PLXDC2: variants seen among roughly 807,000 people sequenced by gnomAD.
PLXDC2 encodes the protein plexin domain containing 2.
A neutral mutation model predicts 68.9 loss-of-function variants in PLXDC2; 40 were observed. That is an observed-to-expected ratio of 0.58 (90% confidence interval 0.45 to 0.76). The LOEUF is 0.76. PLXDC2 is among the 30% of genes least tolerant of loss of function. PLXDC2 has a pLI of 0.00. For missense variants in PLXDC2, 644 were observed against 661.9 expected (o/e 0.97, Z 0.30); for synonymous variants, 243 against 234.2 (o/e 1.04, Z -0.34).
chr10:20,149,210 CTTTCTTTTTTTTTCT>C (rs1342389040), intron 6 of PLXDC2, among the ~76,000 whole-genome samples: 32 of 21,404 alleles, frequency 1.5e-3, no homozygotes, highest in African/African-American at 2.2e-3. Flanking sequence ...AGTTATTTTT[CTTTCTTTTTTTTTCT>C]TTTCTTTTTT....
rs117587274 is a variant in PLXDC2, at chr10:19,873,032, G to A, written c.112+55841G>A. Among the ~76,000 whole-genome samples the A allele has an allele frequency of 2.6e-3, 393 of 152,224 alleles. 4 individuals carry two copies. The highest frequency in any genetic ancestry group is 2.4e-3 in the Non-Finnish European group (164 of 68,018). The stretch of plus-strand genomic sequence containing the variant: ...TGGCACCAAAGAATTGTTTTGACAG[G>A]AAATCTCCTAATACAGCAAAACGGT... On this transcript the variant is annotated intron_variant, in intron 1 of 13. Transcript: ENST00000377252.
At chr10:19,986,779 T>G (rs892930427) in intron 1 of PLXDC2, among the ~76,000 whole-genome samples, 2 of 152,216 alleles carry the variant, frequency 1.3e-5, no homozygotes, top group Non-Finnish European at 2.9e-5. Context: ...TCTCAGAGCA[T>G]TTTGCTTTTC....
At chr10:20,234,123 G>A (rs573606372) in intron 12 of PLXDC2, among the ~76,000 whole-genome samples, 5 of 152,052 alleles carry the variant, frequency 3.3e-5, no homozygotes, top group African/African-American at 7.2e-5. Flanking sequence ...CACCGTGCCC[G>A]GCCAGCAAAT....
intron 4 of PLXDC2, among the ~76,000 whole-genome samples, chr10:20,092,583 A>G (rs963562233): frequency 1.8e-4 from 27 of 152,154 alleles, no homozygotes; most frequent in Non-Finnish European, 3.2e-4. Context: ...GAAGTTGGGA[A>G]GTGAATTAAA....
chr10:20,279,713 GC>G lies in PLXDC2; in HGVS notation c.1485del (p.Ser495ArgfsTer6). 1 of 1,613,772 alleles carries G rather than the reference GC, an allele frequency of 6.2e-7. No homozygotes were observed. The highest frequency in any genetic ancestry group is 8.5e-7 in the Non-Finnish European group (1 of 1,179,828). ...ASIFFIERRP[S>X]RWPAMKFRRG... ...TGTTTTCTGTTTCAGAGACGCCCAAGCAGATGGCCTGCGATGAAGTTTAGAA... is the reference window on the plus strand; with the variant it reads ...TGTTTTCTGTTTCAGAGACGCCCAAGAGATGGCCTGCGATGAAGTTTAGAA... On this transcript the variant is annotated frameshift_variant, in exon 14 of 14. Coordinates refer to ENST00000377252, the MANE Select transcript of PLXDC2 (RefSeq NM_032812.9). LOFTEE classifies it high-confidence loss of function.
intron 11 of PLXDC2, 24 bp downstream of exon 11, chr10:20,217,600 T>C (rs1286098609): frequency 2.0e-5 from 15 of 731,800 alleles, no homozygotes; most frequent in African/African-American, 1.1e-4. Flanking sequence ...AGTTTGCTTT[T>C]TTTTTTTTTT....
chr10:19,872,592 C>T (rs1837558609), intron 1 of PLXDC2, among the ~76,000 whole-genome samples: 1 of 152,190 alleles, frequency 6.6e-6, no homozygotes, highest in Non-Finnish European at 1.5e-5. Context: ...AAAAGCATTT[C>T]AGCCACACCT....
chr10:19,997,717 C>A lies in PLXDC2; in HGVS notation c.113-4058C>A, dbSNP rs1356072406. On this transcript the variant is annotated intron_variant, in intron 1 of 13. Transcript: ENST00000377252. ...TATGTGATGACAAAAAAGAGACCTG[C>A]AAGATTTGCAAAGAATAATATGAGA... Among the ~76,000 whole-genome samples the A allele has an allele frequency of 2.0e-5, 3 of 152,084 alleles. No individual in the cohort carries two copies. In the South Asian group the frequency reaches 6.2e-4, roughly 31 times the overall value.
intron 4 of PLXDC2, among the ~76,000 whole-genome samples, chr10:20,142,289 C>A (rs1166996552): frequency 6.6e-6 from 1 of 151,888 alleles, no homozygotes; most frequent in African/African-American, 2.4e-5. Context: ...TGATGACTGC[C>A]CAAACATTAC....
At chr10:20,217,072 T>A (rs1835147517) in intron 10 of PLXDC2, among the ~76,000 whole-genome samples, 2 of 152,348 alleles carry the variant, frequency 1.3e-5, no homozygotes, top group Admixed American at 6.5e-5. Flanking sequence ...CTTATCTTTA[T>A]GCACCTGTTT....
intron 13 of PLXDC2, among the ~76,000 whole-genome samples, chr10:20,266,007 C>T (rs962889801): frequency 1.3e-5 from 2 of 152,174 alleles, no homozygotes; most frequent in African/African-American, 2.4e-5. Context: ...GTAAGGAATA[C>T]TGGTCTTGGA....
intron 7 of PLXDC2, among the ~76,000 whole-genome samples, chr10:20,166,931 A>AG (rs1317797009): frequency 1.3e-5 from 2 of 152,124 alleles, no homozygotes; most frequent in African/African-American, 4.8e-5. Context: ...ATTTATATGA[A>AG]TTTTCAGACC....
intron 1 of PLXDC2, among the ~76,000 whole-genome samples, chr10:19,886,581 A>C (rs1321864334): frequency 6.6e-6 from 1 of 152,248 alleles, no homozygotes; most frequent in East Asian, 1.9e-4. Flanking sequence ...AACAACCTTC[A>C]TGCTAAAAAC....
chr10:20,219,176 G>T, intron 12 of PLXDC2, 74 bp downstream of exon 12: 1 of 1,433,230 alleles, frequency 7.0e-7, no homozygotes, highest in Non-Finnish European at 9.5e-7. Context: ...CTATGAGAAA[G>T]GCAATACGGG....
At chr10:19,896,936 C>G (rs911056132) in intron 1 of PLXDC2, among the ~76,000 whole-genome samples, 2 of 152,154 alleles carry the variant, frequency 1.3e-5, no homozygotes, top group African/African-American at 2.4e-5. Flanking sequence ...CTCTTAGTAC[C>G]ACCTGAGGTT....
chr10:19,887,181 A>G (rs544102331), intron 1 of PLXDC2, among the ~76,000 whole-genome samples: 13 of 152,122 alleles, frequency 8.5e-5, no homozygotes, highest in African/African-American at 2.9e-4. Context: ...TAGAGTATGG[A>G]TCAGTTATTC....
intron 1 of PLXDC2, among the ~76,000 whole-genome samples, chr10:19,953,485 G>A (rs1240493583): frequency 7.9e-5 from 12 of 152,140 alleles, no homozygotes; most frequent in Admixed American, 1.3e-4. Flanking sequence ...GGAGAAATCC[G>A]GGGTAACACC....
At chr10:19,918,164 G>C (rs1348627557) in intron 1 of PLXDC2, among the ~76,000 whole-genome samples, 2 of 152,122 alleles carry the variant, frequency 1.3e-5, no homozygotes, top group African/African-American at 4.8e-5. Flanking sequence ...AGATATCCTA[G>C]TTTAGATGAG....
At chr10:20,174,975 G>A (rs752086194) in intron 7 of PLXDC2, among the ~76,000 whole-genome samples, 1 of 152,034 alleles carries the variant, frequency 6.6e-6, no homozygotes, top group Admixed American at 6.6e-5. Context: ...GGAGGTCATC[G>A]TTGGGTGTAA....
Sources: allele counts gnomAD v4.1 joint callset (sites outside exome capture counted in the v4.1 genomes callset), GRCh38; gene constraint gnomAD v4.1.1; transcripts MANE v1.5; gene names NCBI Gene and HGNC (gene_info 2026-07-23, HGNC 2026-07-21).